Variants in ALDH16A1 observed in about 807,000 individuals in gnomAD.
ALDH16A1 encodes aldehyde dehydrogenase family 16 member A1.
A neutral mutation model predicts 96.1 loss-of-function variants in ALDH16A1; 88 were observed. The ratio of observed to expected loss-of-function variants is 0.92; its 90% CI spans 0.77 to 1.09. The LOEUF is 1.09. Ranked by LOEUF, ALDH16A1 falls within the 50% of genes least tolerant of loss-of-function variation. The probability of loss-of-function intolerance (pLI) is 0.00; values close to 1 mark genes in which losing one functional copy is unlikely to be tolerated. For missense variants in ALDH16A1, 1,250 were observed against 1,112.6 expected, an observed-to-expected ratio of 1.12 and a Z score of -1.76; for synonymous variants, 522 against 496.4, an observed-to-expected ratio of 1.05 and a Z score of -0.69.
At chr19:49,462,840 G>A in intron 8 of ALDH16A1, 85 bp downstream of exon 8, 1 of 1,326,394 alleles carries the variant, frequency 7.5e-7, no homozygotes, top group Non-Finnish European at 1.0e-6. Flanking sequence ...GGAGGGAGCT[G>A]GGCGTGGACA....
Position 49,464,488 on chromosome 19 carries a change from A to T in ALDH16A1, c.1403A>T (p.Lys468Met), listed in dbSNP as rs559991892. Residue 468 changes from lysine to methionine, a missense_variant, in exon 11 of 17, where the codon AAG (lysine) becomes ATG (methionine). By Grantham distance (95) the Lys-to-Met change is moderately conservative. Coordinates refer to ENST00000293350, the MANE Select transcript of ALDH16A1 (RefSeq NM_153329.4). ...RDPSVPTGGCKESGCSWHGGP... is the reference protein window; with the variant it reads ...RDPSVPTGGCMESGCSWHGGP... ...CCTTCGGTGCCCACAGGCGGCTGCA[A>T]GGAGAGTGGGTGTTCCTGGCACGGG... is the stretch of plus-strand genomic sequence containing the variant. 6.2e-7 allele frequency: 1 copy of T among 1,613,574 alleles called. No homozygotes were observed. Among genetic ancestry groups the T allele is most frequent in the Admixed American group, 1.7e-5 (1 of 59,956 alleles).
chr19:49,459,706 G>C lies in ALDH16A1; in HGVS notation c.357G>C (p.Leu119=). 1 of 1,612,552 alleles carries C rather than the reference G, an allele frequency of 6.2e-7. No individual in the cohort carries two copies. The highest frequency in any genetic ancestry group is 2.2e-5 in the East Asian group (1 of 44,806). Residue 119 remains leucine (L), a synonymous_variant, in exon 4 of 17, where the codon CTG becomes CTC. Transcript: ENST00000293350. The surrounding 1 kb of genome is among the most constrained non-coding windows in gnomAD (Gnocchi z 4.1). The part of the protein sequence containing the change: ...AEVIQKHQRL[L]WTLESLVTGR... Reference sequence around the variant, plus strand: ...TGATCCAGAAGCACCAGCGGCTGCTGTGGACCCTGGAATCCCTGGTGACTG... The same window carrying C: ...TGATCCAGAAGCACCAGCGGCTGCTCTGGACCCTGGAATCCCTGGTGACTG...
rs2079118133 is a variant in ALDH16A1 at position 49,458,497 on chromosome 19, C to T, written c.102C>T (p.Asp34=). 1 of 1,562,070 alleles carries T rather than the reference C, an allele frequency of 6.4e-7. No individual in the cohort carries two copies. The highest frequency in any genetic ancestry group is 8.7e-7 in the Non-Finnish European group (1 of 1,151,382). The part of the protein sequence containing the change: ...ESHACALAWL[D]TQDRCLGHYV... ...TCTACCTCCCCCAGGCCTGGCTGGA[C>T]ACCCAGGACCGGTGCTTGGGCCACT... The change falls in exon 2 of 17, where the codon GAC becomes GAT. Residue 34 remains aspartate (D), a synonymous_variant. Coordinates refer to ENST00000293350, the MANE Select transcript of ALDH16A1 (RefSeq NM_153329.4).
chr19:49,462,633 C>A lies in ALDH16A1; in HGVS notation c.976C>A (p.Arg326=). ...WDEAMRRLQE[R]MGRLRSGRGL... Reference sequence around the variant, plus strand: ...TGAAGCCATGAGACGGCTGCAGGAGCGGATGGGGCGGCTTCGGAGTGGCCG... The same window carrying A: ...TGAAGCCATGAGACGGCTGCAGGAGAGGATGGGGCGGCTTCGGAGTGGCCG... The change falls in exon 8 of 17, where the codon CGG becomes AGG. Residue 326 remains arginine (R), a synonymous_variant. Transcript: ENST00000293350. 1.2e-6 allele frequency: 2 copies of A among 1,612,756 alleles called. No homozygotes were observed. Among genetic ancestry groups the A allele is most frequent in the Non-Finnish European group, 1.7e-6 (2 of 1,179,932 alleles).
chr19:49,460,905 T>C lies in ALDH16A1; in HGVS notation c.577+6T>C, dbSNP rs773404633. The C allele has an allele frequency of 6.2e-6, 10 of 1,612,588 alleles. No individual in the cohort carries two copies. The highest frequency in any genetic ancestry group is 6.8e-6 in the Non-Finnish European group (8 of 1,179,586). ...TTGCCCTGCCCTGGCTGTGGGTAAA[T>C]GATGGCCTGGGGGGTCCTGACTCTT... On this transcript the variant is annotated splice_donor_region_variant and intron_variant, in intron 5 of 16. Transcript: ENST00000293350.
chr19:49,465,756 G>C lies in ALDH16A1; in HGVS notation c.1587G>C (p.Gly529=). Residue 529 remains glycine (G), a synonymous_variant, in exon 13 of 17, where the codon GGG becomes GGC. Coordinates refer to ENST00000293350, the MANE Select transcript of ALDH16A1 (RefSeq NM_153329.4). ...ACTCCAGCCCAGCACCCCCCTATGG[G>C]CTCTTCGTTGGGGGCCGTTTCCAGG... The part of the protein sequence containing the change: ...EIGPSPAPPY[G]LFVGGRFQAP... 1.2e-6 allele frequency: 2 copies of C among 1,613,836 alleles called. No homozygotes were observed. Among genetic ancestry groups the C allele is most frequent in the Middle Eastern group, 3.3e-4 (2 of 6,058 alleles).
chr19:49,468,627 C>A lies in ALDH16A1; in HGVS notation c.2124+61C>A. 1 of 1,566,956 alleles carries A rather than the reference C, an allele frequency of 6.4e-7. No homozygotes were observed. The highest frequency in any genetic ancestry group is 8.6e-7 in the Non-Finnish European group (1 of 1,159,908). ...AGCCTCAGGGCAGCAGAAAAAGGCGCCCCAAAGTCGGCAGGAGCTTGTCTC... is the reference window on the plus strand; with the variant it reads ...AGCCTCAGGGCAGCAGAAAAAGGCGACCCAAAGTCGGCAGGAGCTTGTCTC... On this transcript the variant is annotated intron_variant, in intron 15 of 16. Transcript: ENST00000293350. This position sits in a 1 kb window ranked among gnomAD's most constrained non-coding sequence, Gnocchi z 4.4.
chr19:49,462,688 C>A lies in ALDH16A1; in HGVS notation c.1031C>A (p.Ala344Asp). 1 of 1,608,272 alleles carries A rather than the reference C, an allele frequency of 6.2e-7. No individual in the cohort carries two copies. The highest frequency in any genetic ancestry group is 8.5e-7 in the Non-Finnish European group (1 of 1,178,522). ...RGLDGAVDMG[A>D]RGAAACDLVQ... The stretch of plus-strand genomic sequence containing the variant: ...CTGGATGGGGCCGTGGACATGGGGG[C>A]CCGGGGGGCTGCCGCATGTGACCTG... Residue 344 changes from alanine (A) to aspartate (D), a missense_variant, in exon 8 of 17, where the codon GCC (alanine) becomes GAC (aspartate). Coordinates refer to ENST00000293350, the MANE Select transcript of ALDH16A1 (RefSeq NM_153329.4).
At position 49,461,646 on chromosome 19, in the gene ALDH16A1, C is replaced by A. The variant is rs764003304; in HGVS notation, c.605C>A (p.Pro202Gln). 1.3e-6 allele frequency: 2 copies of A among 1,599,560 alleles called. No homozygotes were observed. The highest frequency in any genetic ancestry group is 1.7e-5 in the Admixed American group (1 of 58,912). The stretch of plus-strand genomic sequence containing the variant: ...TGCACCGTGGTGGCCCTCGTGCCCC[C>A]GGCCTCCCCGGCGCCCCTCCTCCTG... ...VGCTVVALVP[P>Q]ASPAPLLLAQ... The change falls in exon 6 of 17, where the codon CCG (proline) becomes CAG (glutamine). Residue 202 changes from proline (P) to glutamine (Q), a missense_variant. By Grantham distance (76) the Pro-to-Gln change is moderately conservative. Coordinates refer to ENST00000293350, the MANE Select transcript of ALDH16A1 (RefSeq NM_153329.4).
rs542184695 is a variant in ALDH16A1, at chr19:49,465,232, C to T, written c.1568+470C>T. Among the ~76,000 whole-genome samples, 14 of 150,090 alleles carry T rather than the reference C, an allele frequency of 9.3e-5. No homozygotes were observed. The South Asian group carries it at 3.0e-3, about 32-fold the overall frequency. On this transcript the variant is annotated intron_variant, in intron 12 of 16. Transcript: ENST00000293350. ...GCTCATGGAGCAGGAACTTAGGGTC[C>T]TCCAGAGGCTCATGGGAGCAGAAGC...
At chr19:49,460,730 C>A in intron 4 of ALDH16A1, 92 bp from the exon 5 acceptor site, 441 of 600,648 alleles carry the variant, frequency 7.3e-4, no homozygotes, top group East Asian at 1.9e-3. Flanking sequence ...TTTTTTTTTT[C>A]CTAATGTAGC....
chr19:49,464,071 C>A, intron 9 of ALDH16A1, 56 bp from the exon 10 acceptor site: 4 of 1,588,536 alleles, frequency 2.5e-6, no homozygotes, highest in Non-Finnish European at 2.6e-6. Context: ...CTGCTCTAGG[C>A]TCCTTCCCTG....
chr19:49,458,692 C>T (rs926355213), intron 2 of ALDH16A1, 104 bp downstream of exon 2: 1 of 1,285,670 alleles, frequency 7.8e-7, no homozygotes, highest in Middle Eastern at 1.9e-4. Context: ...GGGCAGGAAA[C>T]AGCTGGTGGT....
intron 1 of ALDH16A1, among the ~76,000 whole-genome samples, chr19:49,455,160 G>C (rs1256126235): frequency 6.6e-6 from 1 of 151,028 alleles, no homozygotes; most frequent in East Asian, 2.0e-4. Flanking sequence ...GTTCACACCT[G>C]TAATCCCAGC....
chr19:49,469,608 TCTCA>T (rs2079228601), intron 16 of ALDH16A1: 1 of 62,170 alleles, frequency 1.6e-5, no homozygotes, highest in Non-Finnish European at 3.4e-5. Flanking sequence ...TGAGACAGAG[TCTCA>T]CTCTGTCGCC....
Position 49,465,550 on chromosome 19 carries a change from G to T in ALDH16A1, c.1569-188G>T, listed in dbSNP as rs549617623. On this transcript the variant is annotated intron_variant, in intron 12 of 16. Transcript: ENST00000293350. ...GGTCCCCCAGAGGCTCATGGGAGCT[G>T]GAGTTTAGGGTCCCCCAGTGAATCA... 4.0e-5 allele frequency among the ~76,000 whole-genome samples: 6 copies of T among 151,180 alleles called. 1 individual carries two copies. The highest frequency in any genetic ancestry group is 1.5e-4 in the African/African-American group (6 of 41,070).
At position 49,464,272 on chromosome 19, in the gene ALDH16A1, G is replaced by GCGTGGC; in HGVS notation, c.1331+11_1331+16dup. 6.2e-7 allele frequency: 1 copy of GCGTGGC among 1,600,066 alleles called. No individual in the cohort carries two copies. Among genetic ancestry groups the GCGTGGC allele is most frequent in the Non-Finnish European group, 8.5e-7 (1 of 1,178,028 alleles). ...CTGGAGCTGGGCTATGGGTCAGTCT[G>GCGTGGC]CGTGGCCCGGGCGCTCACTCCTCTC... is the stretch of plus-strand genomic sequence containing the variant. On this transcript the variant is annotated intron_variant, in intron 10 of 16. Coordinates refer to ENST00000293350, the MANE Select transcript of ALDH16A1 (RefSeq NM_153329.4).
At chr19:49,454,978 C>T (rs912159715) in intron 1 of ALDH16A1, among the ~76,000 whole-genome samples, 1 of 149,650 alleles carries the variant, frequency 6.7e-6, no homozygotes. Flanking sequence ...ATTACCTGAG[C>T]GTGGTGGTGT....
Position 49,462,018 on chromosome 19 carries a change from C to G in ALDH16A1, c.894C>G (p.Ala298=). 6.5e-7 allele frequency: 1 copy of G among 1,542,608 alleles called. No homozygotes were observed. Among genetic ancestry groups the G allele is most frequent in the Non-Finnish European group, 8.7e-7 (1 of 1,148,250 alleles). ...DSAVEGVVDA[A]WSDRGPGGLR... ...CCGTGGAGGGTGTCGTGGACGCCGC[C>G]TGGTCCGACCGCGGCCCGGTGAGAC... Residue 298 remains alanine (A), a synonymous_variant, in exon 7 of 17, where the codon GCC becomes GCG. Transcript: ENST00000293350.
Sources: gnomAD v4.1 joint callset for allele counts (sites outside exome capture counted in the v4.1 genomes callset) on GRCh38, gnomAD v4.1.1 for gene constraint, Gnocchi (gnomAD v3.1) non-coding constraint, MANE v1.5 for transcripts, NCBI Gene and HGNC (gene_info 2026-07-23, HGNC 2026-07-21) for gene names.